The following ME3 variants were observed in gnomAD, a reference collection of about 807,000 sequenced individuals.
ME3 encodes NADP-dependent malic enzyme, mitochondrial.
A neutral mutation model predicts 68.9 loss-of-function variants in ME3; 48 were observed. The observed-to-expected ratio is 0.70, with a 90% CI of 0.55 to 0.89. The LOEUF (loss-of-function observed/expected upper bound fraction) is 0.89, where lower values mean the gene tolerates loss of function less well. Among genes scored for constraint, ME3 ranks in the 40% least tolerant of loss-of-function variants. The probability of loss-of-function intolerance (pLI) is 0.00; values close to 1 mark genes in which losing one functional copy is unlikely to be tolerated. For synonymous variants in ME3, 320 were observed against 318.8 expected (o/e 1.00, Z -0.04); for missense variants, 675 against 797.4 (o/e 0.85, Z 1.85).
chr11:86,573,443 G>GTA (rs1957919639), intron 2 of ME3, among the ~76,000 whole-genome samples: 1 of 125,492 alleles, frequency 8.0e-6, no homozygotes, highest in African/African-American at 2.7e-5. Context: ...TTTTTTTTTG[G>GTA]TATATATGAA....
chr11:86,576,519 C>T (rs1379489134), intron 2 of ME3, among the ~76,000 whole-genome samples: 1 of 152,200 alleles, frequency 6.6e-6, no homozygotes, highest in Non-Finnish European at 1.5e-5. Flanking sequence ...CCACTTCTTC[C>T]ATGTGCTGCC....
rs185359058 is a variant in ME3 at position 86,651,404 on chromosome 11, G to C, written c.183+20358C>G. ...ACTCCTCTGAGACAAAACTTCCAGA[G>C]GAACGATCAGGCAGCAACATTTGCT... On this transcript the variant is annotated intron_variant, in intron 2 of 14. Coordinates refer to ENST00000543262, the Ensembl canonical transcript of ME3. Among the ~76,000 whole-genome samples the C allele has an allele frequency of 2.6e-3, 393 of 152,326 alleles. 2 individuals carry two copies. Among genetic ancestry groups the C allele is most frequent in the African/African-American group, 9.2e-3 (382 of 41,580 alleles).
At chr11:86,654,188 T>C (rs1945686989) in intron 2 of ME3, among the ~76,000 whole-genome samples, 1 of 152,144 alleles carries the variant, frequency 6.6e-6, no homozygotes, top group Non-Finnish European at 1.5e-5. Context: ...CTGGTACCAT[T>C]CCTCCTGAAA....
intron 2 of ME3, among the ~76,000 whole-genome samples, chr11:86,564,684 T>C (rs763699671): frequency 6.6e-6 from 1 of 152,128 alleles, no homozygotes; most frequent in Non-Finnish European, 1.5e-5. Context: ...TAACTCACAT[T>C]ATACACAAAC....
At chr11:86,565,187 A>G (rs1957421443) in intron 2 of ME3, among the ~76,000 whole-genome samples, 1 of 152,128 alleles carries the variant, frequency 6.6e-6, no homozygotes. Context: ...AAATTAAAAC[A>G]CACACGTACA....
At chr11:86,507,239 A>C (rs1953149238) in intron 5 of ME3, among the ~76,000 whole-genome samples, 1 of 152,180 alleles carries the variant, frequency 6.6e-6, no homozygotes. Context: ...AAAAAGAGAG[A>C]GAGGCCATGG....
intron 2 of ME3, among the ~76,000 whole-genome samples, chr11:86,620,378 A>G (rs1386526870): frequency 6.6e-6 from 1 of 152,126 alleles, no homozygotes; most frequent in Non-Finnish European, 1.5e-5. Context: ...AAAGTTTTCT[A>G]TTTCTTCTCT....
At chr11:86,470,721 G>A (rs1020911157) in intron 7 of ME3, among the ~76,000 whole-genome samples, 2 of 152,150 alleles carry the variant, frequency 1.3e-5, no homozygotes. Flanking sequence ...TTGTGCAGGG[G>A]GTGCTGGGTG....
At chr11:86,608,231 T>C (rs1267986099) in intron 2 of ME3, among the ~76,000 whole-genome samples, 1 of 152,154 alleles carries the variant, frequency 6.6e-6, no homozygotes, top group Non-Finnish European at 1.5e-5. Flanking sequence ...GAAATGTTAT[T>C]CCTGTTTCTT....
At chr11:86,553,704 T>A (rs1403458816) in intron 4 of ME3, among the ~76,000 whole-genome samples, 1 of 152,202 alleles carries the variant, frequency 6.6e-6, no homozygotes, top group Non-Finnish European at 1.5e-5. Context: ...TGCCCAAGCC[T>A]GCCTCAAGCT....
At chr11:86,459,424 T>G (rs2138689608) in intron 8 of ME3, among the ~76,000 whole-genome samples, 1 of 152,266 alleles carries the variant, frequency 6.6e-6, no homozygotes, top group Non-Finnish European at 1.5e-5. Context: ...GCATCAGAGA[T>G]TATAGTAATA....
chr11:86,622,524 A>G (rs1032181030), intron 2 of ME3, among the ~76,000 whole-genome samples: 3 of 152,030 alleles, frequency 2.0e-5, no homozygotes, highest in African/African-American at 4.8e-5. Flanking sequence ...CTCAGCAACT[A>G]TATTTTTATC....
chr11:86,457,669 C>A, intron 8 of ME3: 11 of 1,285,574 alleles, frequency 8.6e-6, no homozygotes, highest in Non-Finnish European at 1.1e-5. Flanking sequence ...TCGAGGTAAC[C>A]ACTCTGAGAA....
chr11:86,449,366 T>C (rs1949503290), intron 10 of ME3, among the ~76,000 whole-genome samples: 1 of 152,202 alleles, frequency 6.6e-6, no homozygotes, highest in African/African-American at 2.4e-5. Context: ...GGCATTGATA[T>C]CAAGACTAGT....
chr11:86,447,843 G>C (rs1276781735), intron 11 of ME3, among the ~76,000 whole-genome samples: 2 of 114,396 alleles, frequency 1.7e-5, no homozygotes, highest in African/African-American at 3.7e-5. Flanking sequence ...GGACAAAACA[G>C]CTAAACTCTG....
intron 2 of ME3, among the ~76,000 whole-genome samples, chr11:86,651,017 C>T (rs868459022): frequency 2.0e-5 from 3 of 152,218 alleles, no homozygotes; most frequent in Admixed American, 1.3e-4. Context: ...AGTCTGCAAT[C>T]AAACTGCAAG....
intron 4 of ME3, among the ~76,000 whole-genome samples, chr11:86,525,465 A>T (rs1223735658): frequency 6.6e-6 from 1 of 152,138 alleles, no homozygotes; most frequent in Non-Finnish European, 1.5e-5. Flanking sequence ...CTTTGAATGT[A>T]AATGAATTAA....
chr11:86,447,300 T>A, intron 11 of ME3, 93 bp from the exon 12 acceptor site: 2 of 1,510,496 alleles, frequency 1.3e-6, no homozygotes, highest in Non-Finnish European at 1.8e-6. Flanking sequence ...AGGAATACCA[T>A]GAAAGACTCG....
At chr11:86,628,044 C>T (rs548958752) in intron 2 of ME3, among the ~76,000 whole-genome samples, 1 of 152,346 alleles carries the variant, frequency 6.6e-6, no homozygotes, top group South Asian at 2.1e-4. Flanking sequence ...CAGCAAAGAA[C>T]AGCAACAGGT....
Sources: allele counts gnomAD v4.1 joint callset (sites outside exome capture counted in the v4.1 genomes callset), GRCh38; gene constraint gnomAD v4.1.1; transcripts MANE v1.5; gene names NCBI Gene and HGNC (gene_info 2026-07-23, HGNC 2026-07-21).